Variants in ESR1 observed in about 807,000 individuals in gnomAD.
ESR1 encodes estrogen receptor.
Under a neutral mutation model 52.7 loss-of-function variants are expected in ESR1, and 12 were observed. The ratio of observed to expected loss-of-function variants is 0.23; its 90% CI spans 0.15 to 0.37. The LOEUF (loss-of-function observed/expected upper bound fraction) is 0.37, where lower values mean the gene tolerates loss of function less well. Ranked by LOEUF, ESR1 falls within the 10% of genes least tolerant of loss-of-function variation. ESR1 has a pLI of 1.00. For missense variants in ESR1, 584 were observed against 779.7 expected (o/e 0.75, Z 2.99); for synonymous variants, 305 against 316.8 (o/e 0.96, Z 0.39).
intron 1 of ESR1, among the ~76,000 whole-genome samples, chr6:151,831,644 C>A (rs1782439523): frequency 6.6e-6 from 1 of 152,256 alleles, no homozygotes; most frequent in South Asian, 2.1e-4. Flanking sequence ...TCTGATTGTA[C>A]AACTTTGGTG....
chr6:151,676,456 C>T (rs1041209327), intron 1 of ESR1, among the ~76,000 whole-genome samples: 1 of 152,214 alleles, frequency 6.6e-6, no homozygotes, highest in Non-Finnish European at 1.5e-5. Context: ...CTGGTTCCTG[C>T]AAAGGACTAA....
chr6:152,033,426 A>G (rs9383605), intron 5 of ESR1, among the ~76,000 whole-genome samples: 2 of 151,982 alleles, frequency 1.3e-5, no homozygotes, highest in Non-Finnish European at 2.9e-5. Context: ...GAATCTACAA[A>G]GAACTCAAAC....
chr6:152,003,035 A>G (rs1016003096), intron 4 of ESR1, among the ~76,000 whole-genome samples: 1 of 152,014 alleles, frequency 6.6e-6, no homozygotes, highest in Non-Finnish European at 1.5e-5. Flanking sequence ...TCTTAAATCC[A>G]TCAGCTTCTT....
chr6:151,823,913 A>G (rs1429973189), intron 1 of ESR1, among the ~76,000 whole-genome samples: 6 of 152,204 alleles, frequency 3.9e-5, no homozygotes, highest in Non-Finnish European at 8.8e-5. Flanking sequence ...GTTATTGTGT[A>G]TAGTGCCACA....
chr6:152,064,570 G>A (rs1266422612), intron 6 of ESR1, among the ~76,000 whole-genome samples: 2 of 152,152 alleles, frequency 1.3e-5, no homozygotes, highest in East Asian at 1.9e-4. Flanking sequence ...TGTTTATTGA[G>A]TTCCTACTAT....
intron 6 of ESR1, among the ~76,000 whole-genome samples, chr6:152,114,916 A>AG (rs2051192298): frequency 2.7e-5 from 4 of 146,900 alleles, no homozygotes; most frequent in Non-Finnish European, 6.0e-5. Context: ...AAAAAAAAAA[A>AG]GCAAGTCAAA....
chr6:151,731,723 G>A (rs1441474333), intron 2 of ESR1, among the ~76,000 whole-genome samples: 2 of 152,150 alleles, frequency 1.3e-5, no homozygotes, highest in South Asian at 2.1e-4. Context: ...GAGTTGCAGG[G>A]TCTTTGGTTT....
intron 6 of ESR1, among the ~76,000 whole-genome samples, chr6:152,114,212 G>C (rs890987554): frequency 2.5e-4 from 38 of 152,160 alleles, no homozygotes; most frequent in African/African-American, 8.2e-4. Flanking sequence ...GAAAGGTACA[G>C]GTAGAGAAGC....
upstream of ESR1, among the ~76,000 whole-genome samples, chr6:151,803,221 C>A (rs1777437757): frequency 6.6e-6 from 1 of 152,096 alleles, no homozygotes; most frequent in African/African-American, 2.4e-5. Flanking sequence ...AGATAAAAAA[C>A]AGATAAATAA....
chr6:151,840,127 T>C lies in ESR1; in HGVS notation c.453-2470T>C, dbSNP rs9340791. 2.9e-3 allele frequency among the ~76,000 whole-genome samples: 442 copies of C among 152,328 alleles called. 1 individual carries two copies. The highest frequency in any genetic ancestry group is 9.9e-3 in the African/African-American group (413 of 41,566). ...GCTTGCTATGTGCTGGGCACTGAGC[T>C]AGATATAACAATTAATAAGGCTTAT... is the stretch of plus-strand genomic sequence containing the variant. On this transcript the variant is annotated intron_variant, in intron 1 of 7. Transcript: ENST00000206249.
At chr6:152,085,312 A>AAAAACAAAACAAAAC (rs143487490) in intron 6 of ESR1, among the ~76,000 whole-genome samples, 1 of 151,734 alleles carries the variant, frequency 6.6e-6, no homozygotes, top group African/African-American at 2.4e-5. Flanking sequence ...CTCTTTCTAA[A>AAAAACAAAACAAAAC]AAAACAAAAC....
At chr6:152,111,304 G>C (rs981837672) in intron 6 of ESR1, among the ~76,000 whole-genome samples, 3 of 152,266 alleles carry the variant, frequency 2.0e-5, no homozygotes, top group African/African-American at 7.2e-5. Context: ...GATTTCGAAA[G>C]TGGGTGGGCT....
At chr6:151,855,783 G>A (rs1787721219) in intron 2 of ESR1, among the ~76,000 whole-genome samples, 1 of 152,134 alleles carries the variant, frequency 6.6e-6, no homozygotes, top group Non-Finnish European at 1.5e-5. Flanking sequence ...GAGTTCAGAG[G>A]CAAGAGAAAA....
rs140957452 is a variant in ESR1, at chr6:152,120,222, C to G, written c.851-5044C>G. ...TTCATTGTGTGGGATTTCCATACCCCCTGAAGGGCAAAACTGCTCTGGAGG... is the reference window on the plus strand; with the variant it reads ...TTCATTGTGTGGGATTTCCATACCCGCTGAAGGGCAAAACTGCTCTGGAGG... On this transcript the variant is annotated intron_variant, in intron 6 of 6. Coordinates refer to the ESR1 transcript ENST00000427531. Among the ~76,000 whole-genome samples the G allele has an allele frequency of 1.8e-3, 280 of 152,250 alleles. 2 individuals are homozygous for G. Among genetic ancestry groups the G allele is most frequent in the African/African-American group, 6.0e-3 (251 of 41,558 alleles).
At chr6:151,747,317 AAT>A (rs1783558683) in intron 2 of ESR1, among the ~76,000 whole-genome samples, 1 of 152,230 alleles carries the variant, frequency 6.6e-6, no homozygotes, top group African/African-American at 2.4e-5. Flanking sequence ...TGAATCACTG[AAT>A]AAGCAGATGG....
At chr6:151,951,630 G>T (rs1416934749) in intron 4 of ESR1, among the ~76,000 whole-genome samples, 1 of 152,100 alleles carries the variant, frequency 6.6e-6, no homozygotes, top group Non-Finnish European at 1.5e-5. Context: ...GTGCCATTTG[G>T]TTGTAATAGG....
chr6:152,125,456 A>T (rs2053066721), exon 7 of ESR1: 1 of 1,372,822 alleles, frequency 7.3e-7, no homozygotes. Flanking sequence ...CAAGTAAATT[A>T]GTCTCTCTGG....
At chr6:152,003,683 C>T (rs1313908725) in intron 4 of ESR1, among the ~76,000 whole-genome samples, 1 of 151,802 alleles carries the variant, frequency 6.6e-6, no homozygotes, top group Non-Finnish European at 1.5e-5. Context: ...GAGAAATTTG[C>T]CAAAGAAATG....
chr6:152,042,615 G>A, intron 5 of ESR1, among the ~76,000 whole-genome samples: 1 of 152,122 alleles, frequency 6.6e-6, no homozygotes, highest in South Asian at 2.1e-4. Flanking sequence ...GGGGTTCTGG[G>A]TCTATAAACT....
Sources: gnomAD v4.1 joint callset for allele counts (sites outside exome capture counted in the v4.1 genomes callset) on GRCh38, gnomAD v4.1.1 for gene constraint, MANE v1.5 for transcripts, NCBI Gene and HGNC (gene_info 2026-07-23, HGNC 2026-07-21) for gene names.